The following GSTO1 variants were observed in gnomAD, a reference collection of about 807,000 sequenced individuals.
The protein encoded by GSTO1 is glutathione S-transferase omega-1.
In GSTO1, 27 loss-of-function variants were observed where a neutral mutation model predicts 23.8. The observed-to-expected ratio is 1.13, with a 90% CI of 0.83 to 1.56. The LOEUF is 1.56. GSTO1 is among the 40% of genes most tolerant of loss of function. The pLI, the probability that GSTO1 is intolerant of heterozygous loss-of-function variation, is 0.00. For missense variants in GSTO1, 255 were observed against 285.8 expected, an observed-to-expected ratio of 0.89 and a Z score of 0.78; for synonymous variants, 105 against 109.3, an observed-to-expected ratio of 0.96 and a Z score of 0.25.
chr10:104,263,432 A>G (rs899972978), intron 4 of GSTO1, among the ~76,000 whole-genome samples: 3 of 152,226 alleles, frequency 2.0e-5, no homozygotes, highest in Non-Finnish European at 4.4e-5. Context: ...AAAAATTAAT[A>G]TAGCTCTAAT....
intron 2 of GSTO1, among the ~76,000 whole-genome samples, 155 bp downstream of exon 2, chr10:104,255,426 A>G (rs1471440171): frequency 6.6e-6 from 1 of 152,182 alleles, no homozygotes; most frequent in African/African-American, 2.4e-5. Context: ...ATAGCAAGTT[A>G]TAGGCCATTC....
intron 3 of GSTO1, among the ~76,000 whole-genome samples, chr10:104,260,462 G>T (rs12259337): frequency 0.074 from 11,234 of 152,196 alleles, 1,391 homozygotes; most frequent in African/African-American, 0.26. Context: ...TGACACATGG[G>T]AACTACTTAA....
Position 104,263,035 on chromosome 10 carries a change from C to G in GSTO1, c.423C>G (p.Gly141=). Residue 141 remains glycine (G), a synonymous_variant, in exon 4 of 6, where the codon GGC becomes GGG. Coordinates refer to ENST00000369713, the MANE Select transcript of GSTO1 (RefSeq NM_004832.3). The part of the protein sequence containing the change: ...IRSQNKEDYA[G]LKEEFRKEFT... Reference sequence around the variant, plus strand: ...GCCAAAATAAAGAAGACTATGCTGGCCTAAAAGAAGAATTTCGTAAAGAAT... The same window carrying G: ...GCCAAAATAAAGAAGACTATGCTGGGCTAAAAGAAGAATTTCGTAAAGAAT... 6.5e-7 allele frequency: 1 copy of G among 1,537,296 alleles called. No homozygotes were observed. The highest frequency in any genetic ancestry group is 9.0e-7 in the Non-Finnish European group (1 of 1,111,118).
chr10:104,255,359 C>A (rs79530842), intron 2 of GSTO1, 88 bp downstream of exon 2: 1 of 799,930 alleles, frequency 1.3e-6, no homozygotes. Context: ...CCCCCTTCTA[C>A]CCCCCTCCCA....
At chr10:104,260,565 G>A (rs1334720372) in intron 3 of GSTO1, among the ~76,000 whole-genome samples, 1 of 152,186 alleles carries the variant, frequency 6.6e-6, no homozygotes, top group Non-Finnish European at 1.5e-5. Flanking sequence ...TCCTGTAGAA[G>A]AACTGTTTGT....
In GSTO1 at chr10:104,255,188, G is replaced by A; in HGVS notation, c.60G>A (p.Pro20=). The A allele has an allele frequency of 1.9e-6, 3 of 1,613,790 alleles. No homozygotes were observed. Among genetic ancestry groups the A allele is most frequent in the Non-Finnish European group, 2.5e-6 (3 of 1,179,770 alleles). The change falls in exon 2 of 6, where the codon CCG becomes CCA. Residue 20 remains proline, a synonymous_variant. Transcript: ENST00000369713. The part of the protein sequence containing the change: ...GKGSAPPGPV[P]EGSIRIYSMR... ...GAAGCGCGCCCCCGGGGCCGGTCCCGGAGGGCTCGATCCGCATCTACAGCA... is the reference window on the plus strand; with the variant it reads ...GAAGCGCGCCCCCGGGGCCGGTCCCAGAGGGCTCGATCCGCATCTACAGCA...
chr10:104,254,918 G>GC lies in GSTO1; in HGVS notation c.-10dup, dbSNP rs1411638840. On this transcript the variant is annotated 5_prime_UTR_variant, in exon 1 of 6. Transcript: ENST00000369713. ...CAAACCCCAGAGGAGCTCGGCCTGC[G>GC]CTGCGCCACGATGTCCGGGGAGTCA... The GC allele has an allele frequency of 2.5e-6, 4 of 1,611,296 alleles. No homozygotes were observed. The highest frequency in any genetic ancestry group is 1.7e-4 in the Middle Eastern group (1 of 6,056).
intron 3 of GSTO1, among the ~76,000 whole-genome samples, chr10:104,261,805 G>C (rs193244287): frequency 1.3e-5 from 2 of 152,242 alleles, no homozygotes; most frequent in East Asian, 3.9e-4. Flanking sequence ...CTTAAACTAG[G>C]ATGAGTGGAC....
At chr10:104,263,163 C>T in intron 4 of GSTO1, 86 bp downstream of exon 4, 1 of 609,590 alleles carries the variant, frequency 1.6e-6, no homozygotes, top group Non-Finnish European at 2.9e-6. Context: ...TATATTCCCA[C>T]TTTCCAAGTC....
At position 104,259,803 on chromosome 10, in the gene GSTO1, G is replaced by A. The variant is rs1231866812; in HGVS notation, c.366+5G>A. The A allele has an allele frequency of 1.3e-6, 2 of 1,588,016 alleles. No homozygotes were observed. Among genetic ancestry groups the A allele is most frequent in the East Asian group, 2.2e-5 (1 of 44,736 alleles). On this transcript the variant is annotated splice_donor_5th_base_variant and intron_variant, in intron 3 of 5. Coordinates refer to ENST00000369713, the MANE Select transcript of GSTO1 (RefSeq NM_004832.3). ...ATCTTAGAGTTGTTTTCTAAGGTTT[G>A]TGCATAAGAAATTTCAGCTCCTATT...
chr10:104,258,762 C>T (rs890822232), intron 2 of GSTO1, among the ~76,000 whole-genome samples: 3 of 152,162 alleles, frequency 2.0e-5, no homozygotes, highest in East Asian at 1.9e-4. Flanking sequence ...GTAGGAGGAT[C>T]GCTTTAGCCC....
rs773327368 is a variant in GSTO1 at position 104,267,412 on chromosome 10, C to A, written c.*7C>A. On this transcript the variant is annotated 3_prime_UTR_variant, in exon 6 of 6. Transcript: ENST00000369713. ...CTGTGACTATGGGCTCTGAAGGGGG[C>A]AGGAGTCAGCAATAAAGCTATGTCT... is the stretch of plus-strand genomic sequence containing the variant. 25 of 1,578,904 alleles carry A rather than the reference C, an allele frequency of 1.6e-5. No individual in the cohort carries two copies. The highest frequency in any genetic ancestry group is 2.1e-5 in the Non-Finnish European group (24 of 1,165,670).
chr10:104,254,444 T>A, upstream of GSTO1: 1 of 160,726 alleles, frequency 6.2e-6, no homozygotes, highest in Admixed American at 6.1e-5. Flanking sequence ...GTCAAGAGAT[T>A]TTTATTTTCC....
chr10:104,255,747 G>C (rs1022867984), intron 2 of GSTO1, among the ~76,000 whole-genome samples: 4 of 152,216 alleles, frequency 2.6e-5, no homozygotes, highest in Non-Finnish European at 5.9e-5. Context: ...TCCTAGGGTA[G>C]TGCTGAGTTT....
chr10:104,254,296 C>G (rs1300539450), upstream of GSTO1: 1 of 154,342 alleles, frequency 6.5e-6, no homozygotes, highest in Non-Finnish European at 1.4e-5. Flanking sequence ...GAGTAAAGAT[C>G]TTGCGGGCCA....
chr10:104,261,970 T>C (rs1159890693), intron 3 of GSTO1, among the ~76,000 whole-genome samples: 1 of 150,910 alleles, frequency 6.6e-6, no homozygotes, highest in Non-Finnish European at 1.5e-5. Context: ...AACAAAGAAA[T>C]CAGAAAAATT....
intron 5 of GSTO1, 44 bp downstream of exon 5, chr10:104,266,234 G>C: frequency 9.8e-7 from 1 of 1,019,096 alleles, no homozygotes; most frequent in Non-Finnish European, 1.6e-6. Flanking sequence ...GATGACAGGT[G>C]GAATAGTATA....
intron 3 of GSTO1, among the ~76,000 whole-genome samples, chr10:104,262,142 A>G (rs780963779): frequency 6.6e-6 from 1 of 152,208 alleles, no homozygotes; most frequent in Non-Finnish European, 1.5e-5. Context: ...TCCTGGTGAG[A>G]GCAGCGGCAG....
intron 5 of GSTO1, among the ~76,000 whole-genome samples, 153 bp from the exon 6 acceptor site, chr10:104,267,099 T>C (rs1325180738): frequency 6.6e-6 from 1 of 152,234 alleles, no homozygotes; most frequent in African/African-American, 2.4e-5. Context: ...GTCTTTCAAA[T>C]TGAATATTCT....
Sources: gnomAD v4.1 joint callset for allele counts (sites outside exome capture counted in the v4.1 genomes callset) on GRCh38, gnomAD v4.1.1 for gene constraint, MANE v1.5 for transcripts, NCBI Gene and HGNC (gene_info 2026-07-23, HGNC 2026-07-21) for gene names.